Variants in CFAP92 observed in about 807,000 individuals in gnomAD.
The protein encoded by CFAP92 is cilia and flagella associated protein 92 (putative).
A neutral mutation model predicts 106.3 loss-of-function variants in CFAP92; 86 were observed. The observed-to-expected ratio is 0.81, with a 90% confidence interval of 0.68 to 0.97. The LOEUF is 0.97. Ranked by LOEUF, CFAP92 falls within the 50% of genes least tolerant of loss-of-function variation. The pLI is 0.00. For missense variants in CFAP92, 1,204 were observed against 1,283.8 expected, an observed-to-expected ratio of 0.94 and a Z score of 0.95; for synonymous variants, 477 against 506.4, an observed-to-expected ratio of 0.94 and a Z score of 0.78.
intron 15 of CFAP92, 79 bp downstream of exon 15, chr3:128,915,040 C>T: frequency 1.4e-6 from 2 of 1,400,524 alleles, no homozygotes; most frequent in Non-Finnish European, 1.9e-6. Flanking sequence ...ATGGATACCA[C>T]TGAAGATGCA....
intron 9 of CFAP92, among the ~76,000 whole-genome samples, chr3:128,948,540 T>TAAAAC (rs1356159745): frequency 6.7e-6 from 1 of 148,944 alleles, no homozygotes; most frequent in Non-Finnish European, 1.5e-5. Context: ...TTTTTTTTTT[T>TAAAAC]TTTCCCTGAG....
intron 11 of CFAP92, 46 bp downstream of exon 11, chr3:128,935,079 C>T (rs1938841077): frequency 7.0e-7 from 1 of 1,436,796 alleles, no homozygotes; most frequent in African/African-American, 1.4e-5. Context: ...TAAGAAGTGC[C>T]CCTCCCGCCG....
chr3:128,964,548 CTT>C (rs1163659135), intron 9 of CFAP92, among the ~76,000 whole-genome samples: 109 of 152,332 alleles, frequency 7.2e-4, no homozygotes, highest in Middle Eastern at 6.8e-3. Flanking sequence ...ACTCTAAACT[CTT>C]GAAGTAAATA....
chr3:128,931,513 A>G (rs62265286), intron 12 of CFAP92, among the ~76,000 whole-genome samples: 3 of 131,030 alleles, frequency 2.3e-5, no homozygotes, highest in East Asian at 4.6e-4. Context: ...ATATGTATAT[A>G]TATGTATGTA....
chr3:128,950,179 G>C (rs1391146008), intron 9 of CFAP92, among the ~76,000 whole-genome samples: 1 of 152,208 alleles, frequency 6.6e-6, no homozygotes, highest in Non-Finnish European at 1.5e-5. Flanking sequence ...CAAATTCCCA[G>C]CTCCTTTCTG....
the CFAP92 span, among the ~76,000 whole-genome samples, chr3:129,015,780 C>A: frequency 6.1e-4 from 92 of 151,494 alleles, no homozygotes; most frequent in African/African-American, 2.0e-3. Flanking sequence ...TGCATCCCGC[C>A]CCCCTACCCC....
At chr3:128,924,890 C>T (rs1937551928) in intron 12 of CFAP92, among the ~76,000 whole-genome samples, 1 of 152,232 alleles carries the variant, frequency 6.6e-6, no homozygotes, top group Non-Finnish European at 1.5e-5. Flanking sequence ...CACATCCTCA[C>T]CACCTGCTTC....
intron 9 of CFAP92, among the ~76,000 whole-genome samples, chr3:128,956,287 C>T (rs923219442): frequency 3.8e-5 from 5 of 131,798 alleles, no homozygotes; most frequent in Non-Finnish European, 8.6e-5. Context: ...AAAAAAGACA[C>T]AAAAATCAAA....
chr3:128,987,570 A>G, intron 4 of CFAP92, 46 bp downstream of exon 4: 1 of 1,521,548 alleles, frequency 6.6e-7, no homozygotes, highest in Admixed American at 1.7e-5. Context: ...GTTACTAGTG[A>G]GTAAGCCCCA....
the CFAP92 span, among the ~76,000 whole-genome samples, chr3:129,014,229 C>T: frequency 5.9e-5 from 9 of 152,332 alleles, no homozygotes; most frequent in Non-Finnish European, 7.3e-5. The surrounding 1 kb of genome is among the most constrained non-coding windows in gnomAD (Gnocchi z 4.3). Flanking sequence ...ACTCTCAGTG[C>T]GTTACGCTGT....
intron 12 of CFAP92, among the ~76,000 whole-genome samples, chr3:128,921,503 T>TA (rs1937279348): frequency 6.6e-6 from 1 of 152,232 alleles, no homozygotes; most frequent in Non-Finnish European, 1.5e-5. Context: ...GTAACTTACA[T>TA]AAGGCTAATC....
chr3:128,976,872 T>G, intron 6 of CFAP92, 107 bp downstream of exon 6: 4 of 842,092 alleles, frequency 4.8e-6, no homozygotes, highest in Non-Finnish European at 6.0e-6. Context: ...CTGGATTGCA[T>G]GAGATCCAGT....
rs375673134 is a variant in CFAP92, at chr3:128,979,947, AATATATAT to A, written c.668-1770_668-1763del. On this transcript the variant is annotated intron_variant, in intron 4 of 15. Coordinates refer to ENST00000645291, the MANE Select transcript of CFAP92 (RefSeq NM_001394090.1). ...TGTACCCTAAAACTTAAAGTATAATAATATATATATATATATATATATATAAAAGAAAA... is the reference window on the plus strand; with the variant it reads ...TGTACCCTAAAACTTAAAGTATAATAATATATATATATATATAAAAGAAAA... Among the ~76,000 whole-genome samples the A allele has an allele frequency of 5.3e-4, 68 of 128,294 alleles. 2 individuals carry two copies. The East Asian group carries it at 8.3e-3, about 16-fold the overall frequency. 84.2% of individuals were successfully genotyped at this position (128,294 alleles called of 152,430 possible).
chr3:128,936,019 T>A (rs1433492500), intron 10 of CFAP92, among the ~76,000 whole-genome samples: 2 of 152,292 alleles, frequency 1.3e-5, no homozygotes, highest in Non-Finnish European at 2.9e-5. Flanking sequence ...GAAACTGACC[T>A]GATCTGGCTC....
chr3:128,956,670 A>G (rs575305216), intron 9 of CFAP92, among the ~76,000 whole-genome samples: 13 of 151,974 alleles, frequency 8.6e-5, no homozygotes, highest in Admixed American at 5.9e-4. Flanking sequence ...GTGGTATAAC[A>G]TTTTTCAAGT....
chr3:129,003,881 G>A (rs1944927129), upstream of CFAP92: 5 of 1,403,788 alleles, frequency 3.6e-6, no homozygotes, highest in Middle Eastern at 2.5e-4. Flanking sequence ...TCAGGCGCAG[G>A]GCGCCCTGGC....
chr3:128,936,392 C>T (rs1939026593), intron 10 of CFAP92, among the ~76,000 whole-genome samples: 1 of 152,166 alleles, frequency 6.6e-6, no homozygotes, highest in South Asian at 2.1e-4. Flanking sequence ...TGGTCAGTTC[C>T]AGACACTGCA....
At chr3:128,943,526 G>C (rs1047346597) in intron 10 of CFAP92, among the ~76,000 whole-genome samples, 1 of 151,700 alleles carries the variant, frequency 6.6e-6, no homozygotes, top group East Asian at 1.9e-4. Flanking sequence ...ATGTGTATCA[G>C]TATTTCATTT....
chr3:128,987,576 C>A, intron 4 of CFAP92, 40 bp downstream of exon 4: 3 of 1,567,064 alleles, frequency 1.9e-6, no homozygotes, highest in Non-Finnish European at 2.6e-6. Context: ...AGTGAGTAAG[C>A]CCCAGGCTTC....
Sources: gnomAD v4.1 joint callset for allele counts (sites outside exome capture counted in the v4.1 genomes callset) on GRCh38, gnomAD v4.1.1 for gene constraint, Gnocchi (gnomAD v3.1) non-coding constraint, MANE v1.5 for transcripts, NCBI Gene and HGNC (gene_info 2026-07-23, HGNC 2026-07-21) for gene names.